GMDS: variants seen among roughly 807,000 people sequenced by gnomAD.
The protein encoded by GMDS is GDP-mannose 4,6-dehydratase, also known as GDP-mannose 4,6 dehydratase.
GMDS carries 20 observed loss-of-function variants against 49.9 expected under a neutral mutation model. That is an observed-to-expected ratio of 0.40 (90% confidence interval 0.28 to 0.58). GMDS has a LOEUF of 0.58. Ranked by LOEUF, GMDS falls within the 20% of genes least tolerant of loss-of-function variation. The pLI, the probability that GMDS is intolerant of heterozygous loss-of-function variation, is 0.42. For synonymous variants in GMDS, 177 were observed against 178.6 expected (o/e 0.99, Z 0.07); for missense variants, 362 against 481.4 (o/e 0.75, Z 2.32).
At chr6:2,012,559 C>T (rs990807605) in intron 4 of GMDS, among the ~76,000 whole-genome samples, 5 of 152,182 alleles carry the variant, frequency 3.3e-5, no homozygotes, top group Admixed American at 6.5e-5. Flanking sequence ...AATGGAAAAC[C>T]GATGACTTTT....
intron 7 of GMDS, among the ~76,000 whole-genome samples, chr6:1,851,707 T>C (rs1393521523): frequency 1.3e-5 from 2 of 148,538 alleles, no homozygotes; most frequent in Non-Finnish European, 3.1e-5. Context: ...CTGAACACTA[T>C]ATTTTTTAAA....
intron 7 of GMDS, among the ~76,000 whole-genome samples, chr6:1,847,881 TA>T (rs1367353286): frequency 6.6e-6 from 1 of 152,124 alleles, no homozygotes; most frequent in East Asian, 1.9e-4. Flanking sequence ...GGTGAGGGTG[TA>T]CTGTCTAACG....
At chr6:1,960,232 TTTCTCTCTCA>T (rs1285657077) in intron 5 of GMDS, among the ~76,000 whole-genome samples, 2 of 152,218 alleles carry the variant, frequency 1.3e-5, no homozygotes, top group Non-Finnish European at 2.9e-5. Context: ...CTTAGATCTT[TTTCTCTCTCA>T]TTCTCTCTCT....
chr6:1,916,180 CTGA>C (rs1761382042), intron 7 of GMDS, among the ~76,000 whole-genome samples: 3 of 152,188 alleles, frequency 2.0e-5, no homozygotes, highest in Admixed American at 1.3e-4. Flanking sequence ...CCATTCTAGA[CTGA>C]CAACATGGCT....
intron 9 of GMDS, among the ~76,000 whole-genome samples, chr6:1,707,534 C>T (rs1006814764): frequency 2.6e-5 from 4 of 151,374 alleles, no homozygotes; most frequent in Non-Finnish European, 5.9e-5. Flanking sequence ...GGCTCCCCAC[C>T]TTCCTCCTCC....
At chr6:2,075,664 C>T (rs1420701349) in intron 4 of GMDS, among the ~76,000 whole-genome samples, 1 of 152,154 alleles carries the variant, frequency 6.6e-6, no homozygotes, top group African/African-American at 2.4e-5. Context: ...CATTGTTGGA[C>T]ATTTGGGTTG....
intron 7 of GMDS, among the ~76,000 whole-genome samples, chr6:1,893,465 T>C (rs559756668): frequency 6.6e-6 from 1 of 152,226 alleles, no homozygotes; most frequent in Admixed American, 6.5e-5. Flanking sequence ...GGATTACAGG[T>C]GTGAGCCACT....
chr6:1,988,027 A>T (rs1449726798), intron 4 of GMDS, among the ~76,000 whole-genome samples: 1 of 152,214 alleles, frequency 6.6e-6, no homozygotes, highest in Non-Finnish European at 1.5e-5. Context: ...CAACCAAACC[A>T]CCAACAACAC....
intron 1 of GMDS, among the ~76,000 whole-genome samples, chr6:2,127,805 T>G (rs1775536057): frequency 6.6e-6 from 1 of 152,176 alleles, no homozygotes; most frequent in Non-Finnish European, 1.5e-5. Context: ...AACAGGATGG[T>G]GGTTTCCGCC....
At chr6:1,760,531 G>T (rs1217158286) in intron 7 of GMDS, among the ~76,000 whole-genome samples, 1 of 152,158 alleles carries the variant, frequency 6.6e-6, no homozygotes, top group African/African-American at 2.4e-5. Context: ...CCTCATGAGG[G>T]TGTCATCAAC....
chr6:2,055,784 T>A (rs1014092196), intron 4 of GMDS, among the ~76,000 whole-genome samples: 1 of 152,096 alleles, frequency 6.6e-6, no homozygotes, highest in Admixed American at 6.5e-5. Flanking sequence ...GTCAAGTGTG[T>A]TTAAATCTTA....
intron 4 of GMDS, among the ~76,000 whole-genome samples, chr6:1,968,252 C>T (rs760817840): frequency 2.1e-4 from 32 of 152,308 alleles, no homozygotes; most frequent in Non-Finnish European, 4.1e-4. Context: ...CAAACTATCA[C>T]TTATATTAGA....
intron 7 of GMDS, among the ~76,000 whole-genome samples, chr6:1,912,132 G>C (rs940472157): frequency 2.0e-5 from 3 of 152,188 alleles, no homozygotes; most frequent in African/African-American, 4.8e-5. Context: ...TTGGGAGGCT[G>C]AGGCGGGTGG....
chr6:2,183,648 A>G (rs1778652844), intron 1 of GMDS, among the ~76,000 whole-genome samples: 1 of 152,228 alleles, frequency 6.6e-6, no homozygotes, highest in Admixed American at 6.5e-5. Flanking sequence ...GAAGTTCTAC[A>G]GTGAGTAAAA....
intron 1 of GMDS, among the ~76,000 whole-genome samples, chr6:2,147,017 G>A (rs568000635): frequency 3.9e-5 from 6 of 152,270 alleles, no homozygotes; most frequent in African/African-American, 1.2e-4. Flanking sequence ...AGAGGATATT[G>A]CTGATAGATC....
intron 4 of GMDS, among the ~76,000 whole-genome samples, chr6:1,977,974 G>C (rs1038268774): frequency 6.6e-6 from 1 of 152,190 alleles, no homozygotes; most frequent in Non-Finnish European, 1.5e-5. Flanking sequence ...GAACCAGGCA[G>C]CATCATTCTG....
intron 7 of GMDS, among the ~76,000 whole-genome samples, chr6:1,908,604 C>G (rs1022427000): frequency 2.0e-5 from 3 of 152,206 alleles, no homozygotes; most frequent in Non-Finnish European, 4.4e-5. Context: ...GTGCATCACT[C>G]TACTCAGCCA....
intron 7 of GMDS, among the ~76,000 whole-genome samples, chr6:1,747,475 CTCATGCGTGT>C (rs373234467): frequency 0.27 from 2,916 of 10,980 alleles, 80 homozygotes; most frequent in African/African-American, 0.41. Context: ...CACACACACG[CTCATGCGTGT>C]GCGCGCACAC....
At chr6:2,100,038 A>T (rs576971973) in intron 4 of GMDS, among the ~76,000 whole-genome samples, 1 of 152,198 alleles carries the variant, frequency 6.6e-6, no homozygotes, top group Non-Finnish European at 1.5e-5. Flanking sequence ...AAAGCCTCAC[A>T]TCCTATTTTA....
Sources: allele counts gnomAD v4.1 joint callset (sites outside exome capture counted in the v4.1 genomes callset), GRCh38; gene constraint gnomAD v4.1.1; transcripts MANE v1.5; gene names NCBI Gene and HGNC (gene_info 2026-07-23, HGNC 2026-07-21).